The following IQSEC1 variants were observed in gnomAD, a reference collection of about 807,000 sequenced individuals.
The protein encoded by IQSEC1 is IQ motif and SEC7 domain-containing protein 1.
IQSEC1 carries 31 observed loss-of-function variants against 91.0 expected under a neutral mutation model. The ratio of observed to expected loss-of-function variants is 0.34; its 90% CI spans 0.26 to 0.46. The LOEUF is 0.46. Ranked by LOEUF, IQSEC1 falls within the 20% of genes least tolerant of loss-of-function variation. The probability of loss-of-function intolerance (pLI) is 1.00; values close to 1 mark genes in which losing one functional copy is unlikely to be tolerated. For synonymous variants in IQSEC1, 699 were observed against 662.6 expected (o/e 1.05, Z -0.84); for missense variants, 1,388 against 1,575.6 (o/e 0.88, Z 2.02).
rs376192242 is a variant in IQSEC1 at position 13,240,554 on chromosome 3, G to A, written c.272+42157C>T. Among the ~76,000 whole-genome samples, 15 of 152,254 alleles carry A rather than the reference G, an allele frequency of 9.9e-5. No homozygotes were observed. The East Asian group carries it at 2.7e-3, about 27-fold the overall frequency. On this transcript the variant is annotated intron_variant, in intron 1 of 15. Transcript: ENST00000648114. Reference sequence around the variant, plus strand: ...GAATGGCAAGGGAGCCTGGCAAGGGGTGGGCGCCAGTTGGTAGAGGGTCTC... The same window carrying A: ...GAATGGCAAGGGAGCCTGGCAAGGGATGGGCGCCAGTTGGTAGAGGGTCTC...
chr3:13,132,324 C>G (rs1357677900), intron 2 of IQSEC1, among the ~76,000 whole-genome samples: 2 of 152,200 alleles, frequency 1.3e-5, no homozygotes, highest in African/African-American at 4.8e-5. Context: ...TGACAATAAG[C>G]ACTTTTCCCT....
At chr3:13,123,769 T>C (rs530253794) in intron 2 of IQSEC1, among the ~76,000 whole-genome samples, 2 of 152,250 alleles carry the variant, frequency 1.3e-5, no homozygotes, top group East Asian at 3.9e-4. Flanking sequence ...CTGGCTGTGC[T>C]CCCGCCCAAC....
intron 1 of IQSEC1, among the ~76,000 whole-genome samples, chr3:13,174,382 G>A (rs1306369919): frequency 6.6e-6 from 1 of 152,190 alleles, no homozygotes; most frequent in African/African-American, 2.4e-5. Context: ...TCCCACTGGA[G>A]ACTATACAGC....
chr3:12,911,490 C>CCTAGCTG, intron 10 of IQSEC1, 139 bp downstream of exon 10: 1 of 680,260 alleles, frequency 1.5e-6, no homozygotes, highest in East Asian at 2.6e-5. Context: ...CACCGGAGCT[C>CCTAGCTG]CTAGCTGCAA....
At chr3:13,232,185 T>G (rs1260301573) in intron 1 of IQSEC1, among the ~76,000 whole-genome samples, 1 of 152,208 alleles carries the variant, frequency 6.6e-6, no homozygotes, top group East Asian at 1.9e-4. Context: ...TGCGAAGTGT[T>G]TGCTATCCTA....
intron 1 of IQSEC1, among the ~76,000 whole-genome samples, chr3:13,221,651 CG>C (rs1694663096): frequency 6.6e-6 from 1 of 152,242 alleles, no homozygotes; most frequent in South Asian, 2.1e-4. Context: ...CTGGAGCCCA[CG>C]GCGGCTCTCC....
At position 13,208,721 on chromosome 3, in the gene IQSEC1, G is replaced by C. The variant is rs542522749; in HGVS notation, c.273-44588C>G. ...GCCAAGCTCTGCCCACAGTCAGCCA[G>C]TCTGCTGATTCGAGAGGAGCCCCCA... On this transcript the variant is annotated intron_variant, in intron 1 of 15. Coordinates refer to the IQSEC1 transcript ENST00000648114. Among the ~76,000 whole-genome samples the C allele has an allele frequency of 2.0e-4, 30 of 152,318 alleles. No individual in the cohort carries two copies. In the East Asian group the frequency reaches 5.8e-3, roughly 29 times the overall value.
chr3:13,005,350 G>A (rs1258863809), intron 1 of IQSEC1, among the ~76,000 whole-genome samples: 2 of 152,170 alleles, frequency 1.3e-5, no homozygotes, highest in Non-Finnish European at 2.9e-5. Flanking sequence ...TGCTCTGCAG[G>A]GCTCTGGAAG....
At chr3:13,246,704 G>C (rs1201379339) in intron 1 of IQSEC1, among the ~76,000 whole-genome samples, 1 of 152,174 alleles carries the variant, frequency 6.6e-6, no homozygotes, top group African/African-American at 2.4e-5. Flanking sequence ...TTGCTAACTG[G>C]TAAACAGCTT....
chr3:13,111,979 A>G (rs360740), intron 2 of IQSEC1, among the ~76,000 whole-genome samples: 71,954 of 151,954 alleles, frequency 0.47, 17,555 homozygotes, highest in South Asian at 0.64. Context: ...ATTGCCCTGG[A>G]CAGCCCTCCC....
chr3:13,179,554 A>C (rs1366747573), intron 1 of IQSEC1, among the ~76,000 whole-genome samples: 1 of 152,256 alleles, frequency 6.6e-6, no homozygotes, highest in African/African-American at 2.4e-5. Flanking sequence ...ATGTGTGTGC[A>C]CTTAACAGAG....
At chr3:13,104,484 T>C (rs966943882) in intron 2 of IQSEC1, among the ~76,000 whole-genome samples, 1 of 152,228 alleles carries the variant, frequency 6.6e-6, no homozygotes, top group Non-Finnish European at 1.5e-5. Flanking sequence ...GATGTTGTTA[T>C]TCTGCGGACT....
chr3:12,970,693 C>T lies in IQSEC1; in HGVS notation c.24-28828G>A, dbSNP rs1700850206. On this transcript the variant is annotated intron_variant, in intron 1 of 13. Transcript: ENST00000613206. The surrounding 1 kb of genome is among the most constrained non-coding windows in gnomAD (Gnocchi z 4.4). ...ACTAAGCTTCTTTCAGTTCCCCACA[C>T]TCCCCACTGTGCCTGGCTCACAGCT... Among the ~76,000 whole-genome samples the T allele has an allele frequency of 6.6e-6, 1 of 152,230 alleles. No homozygotes were observed. The highest frequency in any genetic ancestry group is 2.4e-5 in the African/African-American group (1 of 41,468).
At chr3:13,019,223 C>T (rs1309004813) in intron 1 of IQSEC1, among the ~76,000 whole-genome samples, 2 of 152,246 alleles carry the variant, frequency 1.3e-5, no homozygotes, top group Admixed American at 6.5e-5. Context: ...CAGCCAGGAT[C>T]GTCCCTCTCA....
intron 1 of IQSEC1, among the ~76,000 whole-genome samples, chr3:13,003,889 C>A (rs757954449): frequency 2.0e-5 from 3 of 152,140 alleles, no homozygotes; most frequent in Non-Finnish European, 2.9e-5. Context: ...TTACATATGG[C>A]ATGTTTGCAG....
intron 1 of IQSEC1, among the ~76,000 whole-genome samples, chr3:13,060,396 C>T (rs367832609): frequency 1.3e-5 from 2 of 152,186 alleles, no homozygotes; most frequent in Middle Eastern, 3.4e-3. Flanking sequence ...CGGTGGGGCC[C>T]GGGACCTTAC....
chr3:13,124,525 G>T (rs968724423), intron 2 of IQSEC1, among the ~76,000 whole-genome samples: 1 of 152,194 alleles, frequency 6.6e-6, no homozygotes. Context: ...AACAGAGACC[G>T]AGAGTAGCTG....
intron 2 of IQSEC1, among the ~76,000 whole-genome samples, chr3:13,135,257 A>C (rs1210059486): frequency 6.6e-6 from 1 of 152,186 alleles, no homozygotes; most frequent in African/African-American, 2.4e-5. Flanking sequence ...TTACTGTCAC[A>C]GGGTAAGGGA....
chr3:12,996,758 A>G lies in IQSEC1; in HGVS notation c.24-54893T>C, dbSNP rs542245930. ...AACCCATTAGAAAAAAGAGCAAAGGATATGAACAAGCAGCTCATGGAAAGA... is the reference window on the plus strand; with the variant it reads ...AACCCATTAGAAAAAAGAGCAAAGGGTATGAACAAGCAGCTCATGGAAAGA... On this transcript the variant is annotated intron_variant, in intron 1 of 13. Coordinates refer to ENST00000613206, the MANE Select transcript of IQSEC1 (RefSeq NM_001134382.3). Among the ~76,000 whole-genome samples, 15 of 152,364 alleles carry G rather than the reference A, an allele frequency of 9.8e-5. No homozygotes were observed. The East Asian group carries it at 2.9e-3, about 29-fold the overall frequency.
Sources: allele counts gnomAD v4.1 joint callset (sites outside exome capture counted in the v4.1 genomes callset), GRCh38; gene constraint gnomAD v4.1.1; non-coding constraint Gnocchi (gnomAD v3.1); transcripts MANE v1.5; gene names NCBI Gene and HGNC (gene_info 2026-07-23, HGNC 2026-07-21).